The following TMEM167A variants were observed in gnomAD, a reference collection of about 807,000 sequenced individuals.
TMEM167A encodes the protein protein kish-A.
TMEM167A carries 8 observed loss-of-function variants against 11.6 expected under a neutral mutation model. The ratio of observed to expected loss-of-function variants is 0.69; its 90% confidence interval spans 0.40 to 1.24. TMEM167A has a LOEUF of 1.24. Ranked by LOEUF, TMEM167A falls within the 50% of genes most tolerant of loss-of-function variation. The probability of loss-of-function intolerance (pLI) is 0.01; values close to 1 mark genes in which losing one functional copy is unlikely to be tolerated. For missense variants in TMEM167A, 62 were observed against 87.0 expected (o/e 0.71, Z 1.14); for synonymous variants, 22 against 28.0 (o/e 0.79, Z 0.67).
chr5:83,062,540 A>C (rs1032081605), intron 2 of TMEM167A, among the ~76,000 whole-genome samples: 1 of 152,118 alleles, frequency 6.6e-6, no homozygotes, highest in Non-Finnish European at 1.5e-5. Context: ...TCTGGGAATA[A>C]GTATTAGAAT....
Position 83,054,331 on chromosome 5 carries a change from T to C in TMEM167A, c.*2753A>G, listed in dbSNP as rs920277932. 3.3e-5 allele frequency: 5 copies of C among 151,914 alleles called. No homozygotes were observed. Among genetic ancestry groups the C allele is most frequent in the African/African-American group, 7.3e-5 (3 of 41,374 alleles). The allele number at this position is 151,914 out of a possible 1,614,324, so 9.4% of individuals were successfully genotyped here. On this transcript the variant is annotated 3_prime_UTR_variant, in exon 4 of 4. Transcript: ENST00000502346. ...CCTTTTGATTGACCACCTTTTAAGATTGCTTGAAAAGACAACGCCCTTCCT... is the reference window on the plus strand; with the variant it reads ...CCTTTTGATTGACCACCTTTTAAGACTGCTTGAAAAGACAACGCCCTTCCT...
intron 1 of TMEM167A, among the ~76,000 whole-genome samples, chr5:83,069,235 A>C (rs1450424442): frequency 6.6e-6 from 1 of 152,148 alleles, no homozygotes; most frequent in Non-Finnish European, 1.5e-5. Context: ...ACTTACGGAC[A>C]TTAGCCTGCC....
rs1744467971 is a variant in TMEM167A at position 83,065,432 on chromosome 5, A to C, written c.4-315T>G. On this transcript the variant is annotated intron_variant, in intron 1 of 3. Coordinates refer to ENST00000502346, the MANE Select transcript of TMEM167A (RefSeq NM_174909.5). Reference sequence around the variant, plus strand: ...TTTTTTTAAGGATAAACATCCTTTAAATTTAAGCTATAATTTTCCATGAGT... The same window carrying C: ...TTTTTTTAAGGATAAACATCCTTTACATTTAAGCTATAATTTTCCATGAGT... Among the ~76,000 whole-genome samples the C allele has an allele frequency of 2.6e-5, 4 of 152,270 alleles. No homozygotes were observed. In the South Asian group the frequency reaches 8.3e-4, roughly 32 times the overall value.
intron 3 of TMEM167A, among the ~76,000 whole-genome samples, chr5:83,060,674 A>AG (rs1367301549): frequency 5.9e-5 from 9 of 152,010 alleles, no homozygotes; most frequent in African/African-American, 2.2e-4. Context: ...TACTAAAAAT[A>AG]CAAAAAATTA....
chr5:83,077,361 G>A lies in TMEM167A; in HGVS notation c.-38C>T, dbSNP rs752579448. ...GATGCCGCAGCCACATCACCCTTCC[G>A]GGGCTCAGGCGGAAGAGGCTGCATG... is the stretch of plus-strand genomic sequence containing the variant. On this transcript the variant is annotated 5_prime_UTR_variant, in exon 1 of 4. Coordinates refer to ENST00000502346, the MANE Select transcript of TMEM167A (RefSeq NM_174909.5). The A allele has an allele frequency of 2.5e-6, 4 of 1,614,096 alleles. No homozygotes were observed. The highest frequency in any genetic ancestry group is 2.2e-5 in the East Asian group (1 of 44,872).
chr5:83,063,906 A>G (rs1744442269), intron 2 of TMEM167A, among the ~76,000 whole-genome samples: 1 of 132,664 alleles, frequency 7.5e-6, no homozygotes, highest in Non-Finnish European at 1.8e-5. Context: ...GTTATTTTAA[A>G]CAGTGAAGTC....
At chr5:83,074,723 AC>A (rs1744612767) in intron 1 of TMEM167A, among the ~76,000 whole-genome samples, 2 of 151,648 alleles carry the variant, frequency 1.3e-5, no homozygotes, top group Admixed American at 6.6e-5. Flanking sequence ...AATTTCCCCC[AC>A]TGGACTGTGA....
At chr5:83,061,445 T>C (rs1378661086) in intron 3 of TMEM167A, among the ~76,000 whole-genome samples, 1 of 152,228 alleles carries the variant, frequency 6.6e-6, no homozygotes, top group African/African-American at 2.4e-5. Flanking sequence ...AGTCTCACTC[T>C]GTCGCCCAGG....
intron 1 of TMEM167A, among the ~76,000 whole-genome samples, chr5:83,073,500 C>A (rs1474335349): frequency 6.6e-6 from 1 of 152,224 alleles, no homozygotes; most frequent in Non-Finnish European, 1.5e-5. Context: ...TATACATCCA[C>A]TTAAGAAAGA....
chr5:83,067,276 C>T (rs909954111), intron 1 of TMEM167A, among the ~76,000 whole-genome samples: 21 of 151,944 alleles, frequency 1.4e-4, no homozygotes, highest in Non-Finnish European at 2.8e-4. Flanking sequence ...GAAACTGTTC[C>T]AATGTCATTT....
chr5:83,077,314 T>C lies in TMEM167A; in HGVS notation c.3+7A>G. 1 of 1,614,210 alleles carries C rather than the reference T, an allele frequency of 6.2e-7. No individual in the cohort carries two copies. The highest frequency in any genetic ancestry group is 8.5e-7 in the Non-Finnish European group (1 of 1,180,024). ...ATCAACCGCGACCTGGGAGCCCCACTTCTTACCATAGCGAGGCCGGCGATG... is the reference window on the plus strand; with the variant it reads ...ATCAACCGCGACCTGGGAGCCCCACCTCTTACCATAGCGAGGCCGGCGATG... On this transcript the variant is annotated splice_region_variant and intron_variant, in intron 1 of 3. Coordinates refer to ENST00000502346, the MANE Select transcript of TMEM167A (RefSeq NM_174909.5).
chr5:83,074,931 C>T (rs754447671), intron 1 of TMEM167A, among the ~76,000 whole-genome samples: 33 of 152,190 alleles, frequency 2.2e-4, no homozygotes, highest in African/African-American at 5.8e-4. Flanking sequence ...CCACCACGCC[C>T]GGCTAATTTT....
chr5:83,075,634 A>C (rs3763063), intron 1 of TMEM167A, among the ~76,000 whole-genome samples: 1 of 151,658 alleles, frequency 6.6e-6, no homozygotes, highest in Non-Finnish European at 1.5e-5. Context: ...AGTCCCAGCT[A>C]CTCGGGAGGC....
intron 1 of TMEM167A, among the ~76,000 whole-genome samples, chr5:83,075,174 G>T (rs1465988824): frequency 6.6e-6 from 1 of 152,142 alleles, no homozygotes. Flanking sequence ...TGTTTTCTGT[G>T]AAAAGGGTTA....
Position 83,065,051 on chromosome 5 carries a change from T to C in TMEM167A, c.70A>G (p.Ile24Val). The C allele has an allele frequency of 2.5e-6, 4 of 1,607,042 alleles. No homozygotes were observed. The highest frequency in any genetic ancestry group is 3.4e-6 in the Non-Finnish European group (4 of 1,178,480). Residue 24 changes from isoleucine (I) to valine (V), a missense_variant, in exon 2 of 4, where the codon ATT becomes GTT. By Grantham distance (29) the Ile-to-Val change is conservative (BLOSUM62 3). Coordinates refer to ENST00000502346, the MANE Select transcript of TMEM167A (RefSeq NM_174909.5). ...AGGAGGCTGGGTGCCAAGGATCGAA[T>C]ATAAGCACAGGTACATATAAGCAGC... is the stretch of plus-strand genomic sequence containing the variant. ...ILLLICTCAY[I>V]RSLAPSLLDR...
chr5:83,077,291 C>T, intron 1 of TMEM167A, 30 bp downstream of exon 1: 1 of 1,614,220 alleles, frequency 6.2e-7, no homozygotes, highest in East Asian at 2.2e-5. Context: ...TCTCGAAGAT[C>T]AACCGCGACC....
intron 1 of TMEM167A, among the ~76,000 whole-genome samples, chr5:83,074,375 A>G (rs1345910314): frequency 2.0e-5 from 3 of 152,208 alleles, no homozygotes; most frequent in Non-Finnish European, 4.4e-5. Context: ...ACATCTCTCA[A>G]GCAGTTCCCA....
intron 1 of TMEM167A, among the ~76,000 whole-genome samples, chr5:83,066,469 G>A (rs1425325983): frequency 2.6e-5 from 4 of 152,190 alleles, no homozygotes; most frequent in East Asian, 3.9e-4. Flanking sequence ...TAAATCAATA[G>A]CCTTCATAAT....
chr5:83,077,105 A>G (rs921940047), intron 1 of TMEM167A, among the ~76,000 whole-genome samples: 2 of 152,222 alleles, frequency 1.3e-5, no homozygotes, highest in African/African-American at 4.8e-5. Flanking sequence ...AAAGTAGGAA[A>G]GCGGACTTTG....
Sources: gnomAD v4.1 joint callset for allele counts (sites outside exome capture counted in the v4.1 genomes callset) on GRCh38, gnomAD v4.1.1 for gene constraint, MANE v1.5 for transcripts, NCBI Gene and HGNC (gene_info 2026-07-23, HGNC 2026-07-21) for gene names.